ZFHX3: variants seen among roughly 807,000 people sequenced by gnomAD.
ZFHX3 encodes zinc finger homeobox protein 3.
Under a neutral mutation model 279.1 loss-of-function variants are expected in ZFHX3, and 42 were observed. That is an observed-to-expected ratio of 0.15 (90% CI 0.12 to 0.19). The LOEUF (loss-of-function observed/expected upper bound fraction) is 0.19, where lower values mean the gene tolerates loss of function less well. ZFHX3 is among the 10% of genes least tolerant of loss of function. The pLI is 1.00. For synonymous variants in ZFHX3, 2,293 were observed against 1,957.8 expected (o/e 1.17, Z -4.52); for missense variants, 4,981 against 4,754.0 (o/e 1.05, Z -1.40).
At chr16:73,355,273 T>C (rs2016319600) in intron 3 of ZFHX3, among the ~76,000 whole-genome samples, 1 of 152,240 alleles carries the variant, frequency 6.6e-6, no homozygotes, top group Admixed American at 6.5e-5. Flanking sequence ...ATGTATGTTT[T>C]AATGCAGATA....
intron 2 of ZFHX3, among the ~76,000 whole-genome samples, chr16:73,460,274 C>T (rs564824697): frequency 6.6e-6 from 1 of 152,302 alleles, no homozygotes; most frequent in South Asian, 2.1e-4. Flanking sequence ...CATGATTCAT[C>T]TAAGTGGTCG....
At chr16:73,716,655 G>GCACACACACACACA (rs1567560122) in intron 1 of ZFHX3, among the ~76,000 whole-genome samples, 3 of 100,610 alleles carry the variant, frequency 3.0e-5, no homozygotes, top group African/African-American at 1.1e-4. Flanking sequence ...ACACACGCAT[G>GCACACACACACACA]CACGCACGCA....
chr16:73,515,041 G>T (rs1249778200), intron 2 of ZFHX3, among the ~76,000 whole-genome samples: 1 of 152,160 alleles, frequency 6.6e-6, no homozygotes, highest in African/African-American at 2.4e-5. Context: ...GAAATAAAAA[G>T]AATTCTAGCA....
At chr16:73,506,653 G>A (rs2019331814) in intron 2 of ZFHX3, among the ~76,000 whole-genome samples, 1 of 152,100 alleles carries the variant, frequency 6.6e-6, no homozygotes, top group Admixed American at 6.6e-5. Context: ...ACCACATGTA[G>A]CCCTGACCGC....
intron 5 of ZFHX3, among the ~76,000 whole-genome samples, chr16:73,223,888 A>C (rs1214662778): frequency 6.6e-6 from 1 of 152,222 alleles, no homozygotes; most frequent in East Asian, 1.9e-4. Flanking sequence ...CACACTATCA[A>C]CATAAATGTA....
chr16:73,612,815 A>AAC (rs1157563929), intron 2 of ZFHX3, among the ~76,000 whole-genome samples: 1 of 152,210 alleles, frequency 6.6e-6, no homozygotes, highest in East Asian at 1.9e-4. Flanking sequence ...AAAGCAGAGA[A>AAC]ACACACACTG....
At chr16:73,122,872 C>T (rs549870899) in intron 7 of ZFHX3, among the ~76,000 whole-genome samples, 51 of 152,166 alleles carry the variant, frequency 3.4e-4, no homozygotes, top group Middle Eastern at 6.8e-3. Flanking sequence ...TGGATGTGGT[C>T]GGCCGCTGGG....
Position 72,793,176 on chromosome 16 carries a change from G to T in ZFHX3, c.9427+79C>A. The T allele has an allele frequency of 6.6e-7, 1 of 1,523,674 alleles. No individual in the cohort carries two copies. The highest frequency in any genetic ancestry group is 8.8e-7 in the Non-Finnish European group (1 of 1,138,524). The allele number at this position is 1,523,674 out of a possible 1,614,324, so 94.4% of individuals were successfully genotyped here. ...TTCCCATCTGCCCAGCACTCAGAGG[G>T]TTTGGGTGGTATCCACATAACAGAA... On this transcript the variant is annotated intron_variant, in intron 9 of 9. Transcript: ENST00000268489. The surrounding 1 kb of genome is among the most constrained non-coding windows in gnomAD (Gnocchi z 4.3).
At chr16:73,611,561 G>C (rs1475048032) in intron 2 of ZFHX3, among the ~76,000 whole-genome samples, 1 of 152,084 alleles carries the variant, frequency 6.6e-6, no homozygotes, top group East Asian at 1.9e-4. Context: ...AACTTCTGAA[G>C]CATAAGGTGA....
chr16:73,716,477 A>G lies in ZFHX3; in HGVS notation c.-1607-36237T>C, dbSNP rs530024291. On this transcript the variant is annotated intron_variant, in intron 1 of 17. Transcript: ENST00000641206. The stretch of plus-strand genomic sequence containing the variant: ...TATTTTCCTTAATCCACCCCTTGCA[A>G]CTTCCAAAGGATTTTCTAGGGTTTC... Among the ~76,000 whole-genome samples the G allele has an allele frequency of 5.3e-5, 8 of 152,272 alleles. No homozygotes were observed. The East Asian group carries it at 1.5e-3, about 29-fold the overall frequency.
intron 1 of ZFHX3, among the ~76,000 whole-genome samples, chr16:73,028,215 G>A (rs1157965781): frequency 6.6e-6 from 1 of 152,170 alleles, no homozygotes; most frequent in Non-Finnish European, 1.5e-5. Flanking sequence ...ATGTTCATGT[G>A]GGAAAACATA....
intron 3 of ZFHX3, among the ~76,000 whole-genome samples, chr16:72,929,717 T>C (rs1959684447): frequency 6.6e-6 from 1 of 152,170 alleles, no homozygotes; most frequent in African/African-American, 2.4e-5. Context: ...TCATTCTCTC[T>C]TCTACCTCAT....
At chr16:73,664,658 C>T (rs373130681) in intron 2 of ZFHX3, among the ~76,000 whole-genome samples, 6 of 152,144 alleles carry the variant, frequency 3.9e-5, no homozygotes, top group East Asian at 1.9e-4. Context: ...GCAATATACC[C>T]GGTGTCATTT....
At chr16:73,493,552 C>T (rs772465741) in intron 2 of ZFHX3, among the ~76,000 whole-genome samples, 1 of 152,150 alleles carries the variant, frequency 6.6e-6, no homozygotes, top group Non-Finnish European at 1.5e-5. Flanking sequence ...AAATGAACAG[C>T]TGCTTCCAGC....
At chr16:72,918,019 C>A (rs2039484292) in intron 3 of ZFHX3, among the ~76,000 whole-genome samples, 1 of 152,074 alleles carries the variant, frequency 6.6e-6, no homozygotes, top group South Asian at 2.1e-4. Flanking sequence ...GTTGAGGGGA[C>A]AAGGAGGCCT....
intron 2 of ZFHX3, among the ~76,000 whole-genome samples, chr16:73,461,306 C>T (rs938282104): frequency 2.6e-5 from 4 of 152,056 alleles, no homozygotes; most frequent in Non-Finnish European, 4.4e-5. Flanking sequence ...AAATACTAGT[C>T]CTTTGTTGGA....
At chr16:73,353,260 G>A (rs2016280175) in intron 3 of ZFHX3, among the ~76,000 whole-genome samples, 1 of 152,166 alleles carries the variant, frequency 6.6e-6, no homozygotes, top group Admixed American at 6.5e-5. Context: ...AATCACCCAT[G>A]GGCTCATTTC....
Position 72,795,592 on chromosome 16 carries a change from G to C in ZFHX3, c.7090C>G (p.Gln2364Glu), listed in dbSNP as rs2035877112. The C allele has an allele frequency of 6.2e-7, 1 of 1,613,964 alleles. No homozygotes were observed. Among genetic ancestry groups the C allele is most frequent in the Non-Finnish European group, 8.5e-7 (1 of 1,179,980 alleles). The change falls in exon 9 of 10, where the codon CAA becomes GAA. Residue 2364 changes from glutamine (Q) to glutamate (E), a missense_variant. Gln to Glu is a conservative substitution (Grantham distance 29). Around this residue, in one of 7 missense-constraint regions of ZFHX3, gnomAD observed 744 missense variants for 701.3 expected, o/e 1.06. Coordinates refer to ENST00000268489, the MANE Select transcript of ZFHX3 (RefSeq NM_006885.4). ...ATGGCATCCATGGAATCCTCATTTT[G>C]GCTGTCGTCCTGCCCCTCCTCATCC... is the stretch of plus-strand genomic sequence containing the variant. ...DEDEEGQDDS[Q>E]NEDSMDAMEI...
chr16:73,518,681 T>C (rs1466448418), intron 2 of ZFHX3, among the ~76,000 whole-genome samples: 1 of 152,164 alleles, frequency 6.6e-6, no homozygotes, highest in Non-Finnish European at 1.5e-5. Context: ...AGCAAATGCT[T>C]TCAGGTTTTG....
Sources: allele counts gnomAD v4.1 joint callset (sites outside exome capture counted in the v4.1 genomes callset), GRCh38; gene constraint gnomAD v4.1.1; regional missense constraint gnomAD v4.1.1; non-coding constraint Gnocchi (gnomAD v3.1); transcripts MANE v1.5; gene names NCBI Gene and HGNC (gene_info 2026-07-23, HGNC 2026-07-21).